Variants in ZNF708 observed in about 807,000 individuals in gnomAD.
The protein encoded by ZNF708 is zinc finger protein 708, also known as ZNF15, ZNF15L1.
A neutral mutation model predicts 47.0 loss-of-function variants in ZNF708; 44 were observed. The observed-to-expected ratio is 0.94, with a 90% CI of 0.74 to 1.20. The LOEUF (loss-of-function observed/expected upper bound fraction) is 1.20. ZNF708 is among the 50% of genes most tolerant of loss of function. The probability of loss-of-function intolerance (pLI) is 0.00; values close to 1 mark genes in which losing one functional copy is unlikely to be tolerated. For synonymous variants in ZNF708, 184 were observed against 218.5 expected (o/e 0.84, Z 1.39); for missense variants, 557 against 656.0 (o/e 0.85, Z 1.65).
At chr19:21,310,474 A>G (rs767376153) in intron 2 of ZNF708, 27 bp downstream of exon 2, 2 of 1,189,554 alleles carry the variant, frequency 1.7e-6, no homozygotes, top group East Asian at 7.6e-5. Context: ...AATAATAAAA[A>G]TTAAAAAAAA....
chr19:21,329,187 G>C, intron 1 of ZNF708, 23 bp downstream of exon 1: 11 of 1,611,898 alleles, frequency 6.8e-6, no homozygotes, highest in Non-Finnish European at 9.3e-6. Context: ...CCCCTCTCTC[G>C]GGATGTCGGA....
intron 2 of ZNF708, among the ~76,000 whole-genome samples, chr19:21,310,275 T>C (rs1274632802): frequency 1.3e-5 from 2 of 151,392 alleles, no homozygotes; most frequent in South Asian, 2.1e-4. Context: ...TAAGACCCCA[T>C]CTCTACTAAA....
chr19:21,311,838 A>T (rs1159500740), intron 1 of ZNF708, among the ~76,000 whole-genome samples: 1 of 152,192 alleles, frequency 6.6e-6, no homozygotes, highest in Non-Finnish European at 1.5e-5. Flanking sequence ...CTGCTACAGT[A>T]ATAAAAATAT....
chr19:21,295,850 A>G (rs565247819), intron 3 of ZNF708, among the ~76,000 whole-genome samples: 1 of 152,196 alleles, frequency 6.6e-6, no homozygotes, highest in Non-Finnish European at 1.5e-5. Context: ...CAAAAACATT[A>G]CTAAACTTTC....
intron 1 of ZNF708, 34 bp from the exon 2 acceptor site, chr19:21,310,661 A>C: frequency 6.3e-6 from 9 of 1,423,918 alleles, no homozygotes; most frequent in Non-Finnish European, 8.3e-6. Context: ...ATATTTACCA[A>C]GTGGTTATGG....
At position 21,292,411 on chromosome 19, in the gene ZNF708, T is replaced by A. The variant is rs1191070152; in HGVS notation, c.*863A>T. On this transcript the variant is annotated 3_prime_UTR_variant, in exon 4 of 4. Coordinates refer to ENST00000356929, the MANE Select transcript of ZNF708 (RefSeq NM_021269.3). ...TTAAATGTTTTAAATATATACTGCA[T>A]CTGCAAAAATATATCTCAGTATGAA... 1 of 152,230 alleles carries A rather than the reference T, an allele frequency of 6.6e-6. No individual in the cohort carries two copies. 9.4% of individuals were successfully genotyped at this position (152,230 alleles called of 1,614,324 possible). A position where few individuals can be genotyped will look rare whatever the true frequency, so the allele number is the denominator to read the frequency against.
chr19:21,297,268 ATATTTTTTTTTTTTTTT>A (rs1449925296), intron 3 of ZNF708, among the ~76,000 whole-genome samples: 528 of 15,308 alleles, frequency 0.034, 3 homozygotes, highest in African/African-American at 0.075. Flanking sequence ...ATATATATAT[ATATTTTTTTTTTTTTTT>A]TTTTTTTTTT....
intron 1 of ZNF708, among the ~76,000 whole-genome samples, chr19:21,325,514 T>G (rs944936925): frequency 6.6e-6 from 1 of 152,168 alleles, no homozygotes; most frequent in Admixed American, 6.5e-5. Context: ...GCTAGCCATA[T>G]GTAGGAGAAT....
chr19:21,298,157 A>C (rs1972578621), intron 3 of ZNF708, among the ~76,000 whole-genome samples: 1 of 152,146 alleles, frequency 6.6e-6, no homozygotes, highest in Non-Finnish European at 1.5e-5. Context: ...GGGAATAGAA[A>C]ACTTGAAATC....
chr19:21,311,913 C>G (rs1403366299), intron 1 of ZNF708, among the ~76,000 whole-genome samples: 1 of 152,120 alleles, frequency 6.6e-6, no homozygotes, highest in African/African-American at 2.4e-5. Context: ...CCTTTTAGTG[C>G]AAAGGTGAGA....
At chr19:21,316,419 C>T (rs973774679) in intron 1 of ZNF708, among the ~76,000 whole-genome samples, 6 of 152,032 alleles carry the variant, frequency 3.9e-5, no homozygotes, top group Non-Finnish European at 7.4e-5. Flanking sequence ...AGCCAGTGGG[C>T]CCGGCAAAGT....
chr19:21,305,935 A>G (rs991880117), intron 3 of ZNF708, among the ~76,000 whole-genome samples: 3 of 152,332 alleles, frequency 2.0e-5, no homozygotes, highest in Admixed American at 6.5e-5. Context: ...ACTCTTCTGT[A>G]TAAGATAAAA....
At chr19:21,297,997 G>C (rs918686744) in intron 3 of ZNF708, among the ~76,000 whole-genome samples, 14 of 151,132 alleles carry the variant, frequency 9.3e-5, no homozygotes, top group African/African-American at 3.4e-4. Flanking sequence ...GTGTGTATGT[G>C]TACAGACGCA....
rs777830540 is a variant in ZNF708, at chr19:21,293,843, G to A, written c.1123C>T (p.Arg375Trp). The change falls in exon 4 of 4, where the codon CGG becomes TGG. Residue 375 changes from arginine (R) to tryptophan (W), a missense_variant. Transcript: ENST00000356929. ...TTATGATTAGTAAGGTGTGAGGACC[G>A]GTTAAAAGCTTTGCCACATTCTTCA... ...KCEECGKAFN[R>W]SSHLTNHKVI... 3.5e-5 allele frequency: 56 copies of A among 1,609,302 alleles called. No individual in the cohort carries two copies. The Admixed American group carries it at 3.7e-4, about 11-fold the overall frequency.
intron 1 of ZNF708, among the ~76,000 whole-genome samples, chr19:21,316,794 T>C (rs1973023832): frequency 1.3e-5 from 2 of 151,792 alleles, no homozygotes; most frequent in Admixed American, 1.3e-4. Flanking sequence ...CTCTCTTTTT[T>C]TTTTTTTTTG....
chr19:21,304,159 G>A (rs897557840), intron 3 of ZNF708, among the ~76,000 whole-genome samples: 1 of 152,014 alleles, frequency 6.6e-6, no homozygotes, highest in Non-Finnish European at 1.5e-5. Flanking sequence ...TTTCTGGTGA[G>A]TAAGGGTCCT....
rs568960802 is a variant in ZNF708, at chr19:21,292,386, T to G, written c.*888A>C. 6.6e-6 allele frequency: 1 copy of G among 152,344 alleles called. No homozygotes were observed. The highest frequency in any genetic ancestry group is 1.9e-4 in the East Asian group (1 of 5,178). The allele number at this position is 152,344 out of a possible 1,614,324, so 9.4% of individuals were successfully genotyped here. On this transcript the variant is annotated 3_prime_UTR_variant, in exon 4 of 4. Transcript: ENST00000356929. ...GATATTTACATAGACTTATTTTGGA[T>G]TAAATGTTTTAAATATATACTGCAT...
intron 1 of ZNF708, among the ~76,000 whole-genome samples, chr19:21,328,987 G>C (rs1305507972): frequency 6.6e-6 from 1 of 152,188 alleles, no homozygotes; most frequent in East Asian, 1.9e-4. Context: ...CTGCAGGCCA[G>C]GGCACAGTCA....
intron 1 of ZNF708, among the ~76,000 whole-genome samples, chr19:21,326,783 T>G (rs1261038010): frequency 6.6e-6 from 1 of 151,794 alleles, no homozygotes; most frequent in African/African-American, 2.4e-5. Context: ...AATACAAAAA[T>G]TAGCTGGGCA....
Sources: allele counts gnomAD v4.1 joint callset (sites outside exome capture counted in the v4.1 genomes callset), GRCh38; gene constraint gnomAD v4.1.1; transcripts MANE v1.5; gene names NCBI Gene and HGNC (gene_info 2026-07-23, HGNC 2026-07-21).